Variants in BRK1 observed in about 807,000 individuals in gnomAD.
BRK1 encodes the protein BRICK1 subunit of SCAR/WAVE actin nucleating complex.
In BRK1, 6 loss-of-function variants were observed where a neutral mutation model predicts 9.9. The ratio of observed to expected loss-of-function variants is 0.60; its 90% CI spans 0.33 to 1.19. The LOEUF is 1.19. BRK1 is among the 50% of genes most tolerant of loss of function. The pLI, the probability that BRK1 is intolerant of heterozygous loss-of-function variation, is 0.04. For synonymous variants in BRK1, 44 were observed against 31.9 expected, an observed-to-expected ratio of 1.38 and a Z score of -1.28; for missense variants, 62 against 97.5, an observed-to-expected ratio of 0.64 and a Z score of 1.53.
intron 1 of BRK1, among the ~76,000 whole-genome samples, chr3:10,123,438 CTTT>C (rs869148224): frequency 2.2e-5 from 3 of 135,988 alleles, no homozygotes; most frequent in Admixed American, 7.4e-5. Context: ...ACTTTCTTTC[CTTT>C]TTTTTTTTTT....
intron 1 of BRK1, among the ~76,000 whole-genome samples, chr3:10,119,143 C>CAAAAAA (rs74416793): frequency 1.5e-5 from 1 of 67,438 alleles, no homozygotes. Flanking sequence ...GACTCCATCT[C>CAAAAAA]AAAAAAAAAA....
rs1273912191 is a variant in BRK1 at position 10,115,682 on chromosome 3, C to G, written c.-20C>G. ...TAGGGTCGGGGCGCCTGCGCAGTCG[C>G]TCTTCCTCAGGCGGCGGCCATGGCG... On this transcript the variant is annotated 5_prime_UTR_variant, in exon 1 of 3. Transcript: ENST00000530758. 2.5e-6 allele frequency: 4 copies of G among 1,606,520 alleles called. No homozygotes were observed. The East Asian group carries it at 6.7e-5, about 27-fold the overall frequency.
In BRK1 at chr3:10,126,880, A is replaced by C. The variant is rs181379563; in HGVS notation, c.*585A>C. The C allele has an allele frequency of 6.5e-5, 10 of 152,874 alleles. No individual in the cohort carries two copies. The highest frequency in any genetic ancestry group is 2.2e-4 in the African/African-American group (9 of 41,584). 9.5% of individuals were successfully genotyped at this position (152,874 alleles called of 1,614,324 possible). ...TTTCTTTCTGTCACTTGGAGTGTCTATGCCTCTCATATTTCCCTAATAAAC... is the reference window on the plus strand; with the variant it reads ...TTTCTTTCTGTCACTTGGAGTGTCTCTGCCTCTCATATTTCCCTAATAAAC... On this transcript the variant is annotated 3_prime_UTR_variant, in exon 3 of 3. Coordinates refer to ENST00000530758, the MANE Select transcript of BRK1 (RefSeq NM_018462.5).
intron 1 of BRK1, among the ~76,000 whole-genome samples, chr3:10,121,699 C>T (rs1245411981): frequency 3.3e-5 from 5 of 151,778 alleles, no homozygotes; most frequent in Admixed American, 6.6e-5. Context: ...GGTTTCGTAA[C>T]ATGAATATTT....
chr3:10,116,331 G>GT (rs1401611446), intron 1 of BRK1, among the ~76,000 whole-genome samples: 2 of 152,098 alleles, frequency 1.3e-5, no homozygotes, highest in Non-Finnish European at 2.9e-5. Flanking sequence ...CCTGTTTCCT[G>GT]TGTCTGCTGC....
chr3:10,124,351 C>G (rs1188021430), intron 1 of BRK1, among the ~76,000 whole-genome samples: 1 of 151,482 alleles, frequency 6.6e-6, no homozygotes, highest in Non-Finnish European at 1.5e-5. Context: ...TCCCAGCTAC[C>G]TAGGAGGCTG....
At chr3:10,125,566 G>A (rs1695827469) in intron 1 of BRK1, 60 bp from the exon 2 acceptor site, 2 of 983,970 alleles carry the variant, frequency 2.0e-6, no homozygotes, top group Admixed American at 4.2e-5. Flanking sequence ...TAGGTGTTGT[G>A]TGTGTCTGTG....
Position 10,126,259 on chromosome 3 carries a change from C to A in BRK1, c.202-10C>A. On this transcript the variant is annotated splice_polypyrimidine_tract_variant and intron_variant, in intron 2 of 2. Transcript: ENST00000530758. ...TTTATCTAAATGTCAGTTTTCCTTTCCTTTCACAGGTGACAAAAGGTGAGA... is the reference window on the plus strand; with the variant it reads ...TTTATCTAAATGTCAGTTTTCCTTTACTTTCACAGGTGACAAAAGGTGAGA... The A allele has an allele frequency of 6.6e-7, 1 of 1,523,712 alleles. No individual in the cohort carries two copies. Among genetic ancestry groups the A allele is most frequent in the Non-Finnish European group, 8.8e-7 (1 of 1,141,628 alleles). 94.4% of individuals were successfully genotyped at this position (1,523,712 alleles called of 1,614,324 possible).
intron 1 of BRK1, among the ~76,000 whole-genome samples, chr3:10,123,494 G>C (rs1306742377): frequency 6.7e-6 from 1 of 148,484 alleles, no homozygotes; most frequent in Non-Finnish European, 1.5e-5. Context: ...GGAGTGCAGT[G>C]GTGCAATCTC....
chr3:10,120,037 G>GT lies in BRK1; in HGVS notation c.118+4228dup, dbSNP rs112860224. Among the ~76,000 whole-genome samples, 24,594 of 148,296 alleles carry GT rather than the reference G, an allele frequency of 0.17. 2,509 individuals are homozygous for GT. The highest frequency in any genetic ancestry group is 0.29 in the African/African-American group (11,864 of 40,620). Reference sequence around the variant, plus strand: ...ACATTCCAAAAGAAAGACAGTTTTTGTTTTTTTTTTGAGACAGAGTCTCAT... The same window carrying GT: ...ACATTCCAAAAGAAAGACAGTTTTTGTTTTTTTTTTTGAGACAGAGTCTCAT... On this transcript the variant is annotated intron_variant, in intron 1 of 2. Transcript: ENST00000530758.
At chr3:10,123,570 A>G (rs697815) in intron 1 of BRK1, among the ~76,000 whole-genome samples, 4 of 142,762 alleles carry the variant, frequency 2.8e-5, no homozygotes, top group African/African-American at 5.4e-5. Context: ...GAATAGCTGG[A>G]ATTACAGGCG....
intron 1 of BRK1, 62 bp from the exon 2 acceptor site, chr3:10,125,564 G>T (rs1695827438): frequency 7.3e-6 from 7 of 953,506 alleles, no homozygotes; most frequent in South Asian, 1.4e-5. Flanking sequence ...TGTAGGTGTT[G>T]TGTGTGTCTG....
intron 1 of BRK1, among the ~76,000 whole-genome samples, chr3:10,124,667 G>A (rs1203698904): frequency 6.6e-6 from 1 of 151,998 alleles, no homozygotes; most frequent in African/African-American, 2.4e-5. Context: ...TCCAATCAGG[G>A]TTTCAGCAGG....
chr3:10,117,816 G>A (rs1695707271), intron 1 of BRK1, among the ~76,000 whole-genome samples: 1 of 152,152 alleles, frequency 6.6e-6, no homozygotes, highest in South Asian at 2.1e-4. Context: ...ATGGCCAAAT[G>A]TTTGGAGTAA....
At chr3:10,122,966 A>C (rs1011954035) in intron 1 of BRK1, among the ~76,000 whole-genome samples, 1 of 152,192 alleles carries the variant, frequency 6.6e-6, no homozygotes, top group African/African-American at 2.4e-5. Flanking sequence ...GATGAAAAGG[A>C]AACTTGTTAG....
In BRK1 at chr3:10,123,732, C is replaced by CTTTTT. The variant is rs71626962; in HGVS notation, c.119-1877_119-1873dup. On this transcript the variant is annotated intron_variant, in intron 1 of 2. Transcript: ENST00000530758. Reference sequence around the variant, plus strand: ...ACAGGCCTGAGCCACCGTGCCTGGCCTTTTTTTTTTTTTTTTTTTTTGAGA... The same window carrying CTTTTT: ...ACAGGCCTGAGCCACCGTGCCTGGCCTTTTTTTTTTTTTTTTTTTTTTTTTTGAGA... Among the ~76,000 whole-genome samples the CTTTTT allele has an allele frequency of 4.8e-3, 235 of 48,688 alleles. 54 individuals are homozygous for CTTTTT. Among genetic ancestry groups the CTTTTT allele is most frequent in the African/African-American group, 0.022 (144 of 6,694 alleles). 31.9% of individuals were successfully genotyped at this position (48,688 alleles called of 152,430 possible). A position where few individuals can be genotyped will look rare whatever the true frequency, so the allele number is the denominator to read the frequency against.
intron 1 of BRK1, among the ~76,000 whole-genome samples, chr3:10,118,208 G>A (rs1335909652): frequency 3.4e-5 from 5 of 145,876 alleles, no homozygotes; most frequent in Admixed American, 7.0e-5. Flanking sequence ...AGCAGGGATC[G>A]TGCCACTGCA....
chr3:10,122,157 A>T (rs978825545), intron 1 of BRK1, among the ~76,000 whole-genome samples: 2 of 151,538 alleles, frequency 1.3e-5, no homozygotes, highest in African/African-American at 2.4e-5. Context: ...CTCCGACCTC[A>T]GGTGATCCGC....
At position 10,126,310 on chromosome 3, in the gene BRK1, G is replaced by T; in HGVS notation, c.*15G>T. ...CACTCACCTAGAACAGTGCCGTGCT[G>T]CTGCTGGGAAGTTGCTTTACACAAC... On this transcript the variant is annotated 3_prime_UTR_variant, in exon 3 of 3. Transcript: ENST00000530758. The T allele has an allele frequency of 6.3e-7, 1 of 1,575,136 alleles. No homozygotes were observed. The highest frequency in any genetic ancestry group is 1.4e-5 in the African/African-American group (1 of 73,944).
Sources: gnomAD v4.1 joint callset for allele counts (sites outside exome capture counted in the v4.1 genomes callset) on GRCh38, gnomAD v4.1.1 for gene constraint, MANE v1.5 for transcripts, NCBI Gene and HGNC (gene_info 2026-07-23, HGNC 2026-07-21) for gene names.